DIAPH1: variants seen among roughly 807,000 people sequenced by gnomAD.
DIAPH1 encodes the protein protein diaphanous homolog 1.
Under a neutral mutation model 140.7 loss-of-function variants are expected in DIAPH1, and 46 were observed. The observed-to-expected ratio is 0.33, with a 90% CI of 0.26 to 0.42. The LOEUF (loss-of-function observed/expected upper bound fraction) is 0.42. Among genes scored for constraint, DIAPH1 ranks in the 10% least tolerant of loss-of-function variants. The pLI, the probability that DIAPH1 is intolerant of heterozygous loss-of-function variation, is 1.00. For synonymous variants in DIAPH1, 565 were observed against 551.6 expected (o/e 1.02, Z -0.34); for missense variants, 1,310 against 1,558.7 (o/e 0.84, Z 2.69).
intron 15 of DIAPH1, 134 bp downstream of exon 15, chr5:141,574,833 T>C (rs530840224): frequency 1.0e-6 from 1 of 958,306 alleles, no homozygotes; most frequent in South Asian, 1.4e-5. Flanking sequence ...ATATTATTTT[T>C]AAAATATGCA....
At chr5:141,562,258 T>C (rs2099893663) in intron 18 of DIAPH1, among the ~76,000 whole-genome samples, 1 of 152,214 alleles carries the variant, frequency 6.6e-6, no homozygotes, top group African/African-American at 2.4e-5. Context: ...TACTCTACTT[T>C]TGTTTTATCC....
At position 141,544,028 on chromosome 5, in the gene DIAPH1, C is replaced by T. The variant is rs867445012; in HGVS notation, c.2483-9595G>A. Reference sequence around the variant, plus strand: ...GTAAGACACAAAAAAAAGTATAAATCGGCCGGGCGCGGTGGCTCACGCCTG... The same window carrying T: ...GTAAGACACAAAAAAAAGTATAAATTGGCCGGGCGCGGTGGCTCACGCCTG... On this transcript the variant is annotated intron_variant, in intron 18 of 27. Coordinates refer to ENST00000389054, the MANE Select transcript of DIAPH1 (RefSeq NM_005219.5). 1.8e-4 allele frequency among the ~76,000 whole-genome samples: 27 copies of T among 152,180 alleles called. 1 individual carries two copies. In the South Asian group the frequency reaches 4.2e-3, roughly 23 times the overall value.
At chr5:141,525,973 A>T in intron 26 of DIAPH1, 65 bp downstream of exon 26, 2 of 1,606,308 alleles carry the variant, frequency 1.2e-6, no homozygotes, top group Non-Finnish European at 1.7e-6. Flanking sequence ...CTGCCTCTAG[A>T]CTCTAGGCAG....
At position 141,526,283 on chromosome 5, in the gene DIAPH1, T is replaced by C. The variant is rs376863281; in HGVS notation, c.3438+14A>G. 4 of 1,614,008 alleles carry C rather than the reference T, an allele frequency of 2.5e-6. No homozygotes were observed. Among genetic ancestry groups the C allele is most frequent in the Non-Finnish European group, 2.5e-6 (3 of 1,179,972 alleles). On this transcript the variant is annotated intron_variant, in intron 25 of 27. Coordinates refer to ENST00000389054, the MANE Select transcript of DIAPH1 (RefSeq NM_005219.5). ...GCCCACAAAAGATTCAGTCAGCAAGTATCCCTTGCTCACCAAAAACATATT... is the reference window on the plus strand; with the variant it reads ...GCCCACAAAAGATTCAGTCAGCAAGCATCCCTTGCTCACCAAAAACATATT...
At position 141,579,114 on chromosome 5, in the gene DIAPH1, T is replaced by C; in HGVS notation, c.907A>G (p.Lys303Glu). 7 of 1,614,186 alleles carry C rather than the reference T, an allele frequency of 4.3e-6. No individual in the cohort carries two copies. Among genetic ancestry groups the C allele is most frequent in the Non-Finnish European group, 8.5e-7 (1 of 1,180,000 alleles). ...TTCAGTGCAATAGTGGTTCCACTTTTTAATCCATCCAGCAGCGGCTGGAAA... is the reference window on the plus strand; with the variant it reads ...TTCAGTGCAATAGTGGTTCCACTTTCTAATCCATCCAGCAGCGGCTGGAAA... ...ERFQPLLDGL[K>E]SGTTIALKVG... The change falls in exon 9 of 28, where the codon AAA becomes GAA. Residue 303 changes from lysine to glutamate, a missense_variant. This residue lies in a region of DIAPH1 where 377 missense variants were observed against 497.1 expected (regional missense o/e 0.76). Transcript: ENST00000389054.
intron 23 of DIAPH1, 75 bp from the exon 24 acceptor site, chr5:141,527,772 CCT>C (rs2099887606): frequency 1.4e-6 from 2 of 1,479,882 alleles, no homozygotes; most frequent in East Asian, 4.9e-5. Context: ...CCTCAACACC[CCT>C]TAGTTTCACC....
intron 19 of DIAPH1, among the ~76,000 whole-genome samples, chr5:141,533,120 G>A (rs2099888492): frequency 6.6e-6 from 1 of 152,108 alleles, no homozygotes; most frequent in African/African-American, 2.4e-5. Flanking sequence ...TTTAAACTTT[G>A]GTTTTCTCAT....
At chr5:141,604,404 A>G (rs2099900619) in intron 1 of DIAPH1, among the ~76,000 whole-genome samples, 1 of 152,210 alleles carries the variant, frequency 6.6e-6, no homozygotes, top group Non-Finnish European at 1.5e-5. Flanking sequence ...CTAAGCTTAG[A>G]GAAGACTATG....
chr5:141,552,804 G>T (rs1333778369), intron 18 of DIAPH1, among the ~76,000 whole-genome samples: 1 of 152,112 alleles, frequency 6.6e-6, no homozygotes, highest in East Asian at 1.9e-4. Flanking sequence ...GACCACACGA[G>T]GACACAGCAA....
At chr5:141,534,041 A>AC (rs1405906510) in intron 19 of DIAPH1, among the ~76,000 whole-genome samples, 1 of 151,160 alleles carries the variant, frequency 6.6e-6, no homozygotes, top group Non-Finnish European at 1.5e-5. Context: ...CTCAAAAAAA[A>AC]AAAAAAAAAA....
rs2099885506 is a variant in DIAPH1, at chr5:141,515,251, A to G, written c.*1600T>C. 1 of 152,452 alleles carries G rather than the reference A, an allele frequency of 6.6e-6. No individual in the cohort carries two copies. Among genetic ancestry groups the G allele is most frequent in the Non-Finnish European group, 1.5e-5 (1 of 68,040 alleles). 9.4% of individuals were successfully genotyped at this position (152,452 alleles called of 1,614,324 possible). On this transcript the variant is annotated 3_prime_UTR_variant, in exon 28 of 28. Transcript: ENST00000389054. ...AGGAGGTGACCCAGGGGAGCAACAG[A>G]CGCCCTGCATCAGAGTCCTCCCAGG...
rs190467423 is a variant in DIAPH1, at chr5:141,565,331, T to C, written c.2482+6097A>G. ...GTAAAGTTTTATTCAAAAATTTACC[T>C]TTCTCACTTGAACTAAAGAAGAAAA... is the stretch of plus-strand genomic sequence containing the variant. On this transcript the variant is annotated intron_variant, in intron 18 of 27. Coordinates refer to ENST00000389054, the MANE Select transcript of DIAPH1 (RefSeq NM_005219.5). The surrounding 1 kb of genome is among the most constrained non-coding windows in gnomAD (Gnocchi z 4.3). The C allele has an allele frequency of 6.6e-6, 1 of 152,348 alleles. No individual in the cohort carries two copies. The highest frequency in any genetic ancestry group is 2.4e-5 in the African/African-American group (1 of 41,590). The allele number at this position is 152,348 out of a possible 1,614,324, so 9.4% of individuals were successfully genotyped here. A position where few individuals can be genotyped will look rare whatever the true frequency, so the allele number is the denominator to read the frequency against.
intron 1 of DIAPH1, among the ~76,000 whole-genome samples, chr5:141,591,788 A>T (rs1367871216): frequency 2.1e-5 from 3 of 144,050 alleles, no homozygotes; most frequent in African/African-American, 5.2e-5. Context: ...ATTTTATCTT[A>T]AAAAAAAATT....
chr5:141,612,045 C>T (rs1026641141), intron 1 of DIAPH1, among the ~76,000 whole-genome samples: 2 of 151,926 alleles, frequency 1.3e-5, no homozygotes, highest in Non-Finnish European at 1.5e-5. Context: ...CCAGCCTGAG[C>T]GACGAGAGTG....
At chr5:141,533,269 G>A (rs1426622827) in intron 19 of DIAPH1, among the ~76,000 whole-genome samples, 1 of 152,132 alleles carries the variant, frequency 6.6e-6, no homozygotes, top group African/African-American at 2.4e-5. Flanking sequence ...AAATATTTAA[G>A]TCTATATTTC....
At chr5:141,605,839 ACTT>A (rs972262775) in intron 1 of DIAPH1, among the ~76,000 whole-genome samples, 16 of 152,126 alleles carry the variant, frequency 1.1e-4, no homozygotes, top group Non-Finnish European at 1.5e-4. Flanking sequence ...GCTTCTCACC[ACTT>A]CTTCTTGCGG....
intron 1 of DIAPH1, among the ~76,000 whole-genome samples, chr5:141,602,361 G>A (rs561161429): frequency 1.2e-3 from 177 of 152,212 alleles, no homozygotes; most frequent in African/African-American, 3.8e-3. Context: ...AACTACAGGC[G>A]CCCATCACCT....
chr5:141,605,866 A>AAACAGACGC lies in DIAPH1; in HGVS notation c.117+12931_117+12932insGCGTCTGTT, dbSNP rs2099900847. ...TTCTTCTTGCGGTTTCAATCACAGGAAACAGACGTCACCCACAGACCTAGA... is the reference window on the plus strand; with the variant it reads ...TTCTTCTTGCGGTTTCAATCACAGGAAACAGACGCAACAGACGTCACCCACAGACCTAGA... On this transcript the variant is annotated intron_variant, in intron 1 of 27. Transcript: ENST00000389054. 9.2e-5 allele frequency among the ~76,000 whole-genome samples: 14 copies of AAACAGACGC among 152,298 alleles called. No individual in the cohort carries two copies. In the South Asian group the frequency reaches 2.9e-3, roughly 32 times the overall value.
intron 26 of DIAPH1, 70 bp from the exon 27 acceptor site, chr5:141,524,299 A>G (rs2099886971): frequency 1.4e-6 from 2 of 1,434,466 alleles, no homozygotes; most frequent in Non-Finnish European, 2.0e-6. Context: ...CAAGCCCCAC[A>G]CAAAATGAAT....
Sources: gnomAD v4.1 joint callset for allele counts (sites outside exome capture counted in the v4.1 genomes callset) on GRCh38, gnomAD v4.1.1 for gene constraint, gnomAD v4.1.1 regional missense constraint, Gnocchi (gnomAD v3.1) non-coding constraint, MANE v1.5 for transcripts, NCBI Gene and HGNC (gene_info 2026-07-23, HGNC 2026-07-21) for gene names.